Variants in DNAH17 observed in about 807,000 individuals in gnomAD.
The protein encoded by DNAH17 is axonemal beta dynein heavy chain 17.
A neutral mutation model predicts 485.6 loss-of-function variants in DNAH17; 376 were observed. The ratio of observed to expected loss-of-function variants is 0.77; its 90% CI spans 0.71 to 0.84. The LOEUF is 0.84. DNAH17 is among the 40% of genes least tolerant of loss of function. The pLI is 0.00. For synonymous variants in DNAH17, 3,031 were observed against 2,405.9 expected, an observed-to-expected ratio of 1.26 and a Z score of -7.60; for missense variants, 6,370 against 5,839.3, an observed-to-expected ratio of 1.09 and a Z score of -2.96.
chr17:78,480,703 G>A lies in DNAH17; in HGVS notation c.7733C>T (p.Thr2578Ile), dbSNP rs1346842211. ...ACMNPTSGSF[T>I]IDSRLQRHFC... Reference sequence around the variant, plus strand: ...GCTTACCTGAAGCCTGGAGTCGATGGTGAAGGATCCGGAAGTGGGGTTCAT... The same window carrying A: ...GCTTACCTGAAGCCTGGAGTCGATGATGAAGGATCCGGAAGTGGGGTTCAT... The change falls in exon 49 of 81, where the codon ACC becomes ATC. Residue 2578 changes from threonine (T) to isoleucine (I), a missense_variant. Coordinates refer to ENST00000389840, the MANE Select transcript of DNAH17 (RefSeq NM_173628.4). 2 of 1,613,588 alleles carry A rather than the reference G, an allele frequency of 1.2e-6. No homozygotes were observed. Among genetic ancestry groups the A allele is most frequent in the African/African-American group, 2.7e-5 (2 of 74,878 alleles).
chr17:78,543,120 GTTT>G (rs1233037665), intron 17 of DNAH17, among the ~76,000 whole-genome samples: 2 of 32,468 alleles, frequency 6.2e-5, no homozygotes, highest in East Asian at 5.3e-3. Flanking sequence ...CATAGGTTTT[GTTT>G]TGTTTTGTTT....
At chr17:78,504,695 C>T (rs957355104) in intron 31 of DNAH17, among the ~76,000 whole-genome samples, 2 of 152,044 alleles carry the variant, frequency 1.3e-5, no homozygotes, top group Admixed American at 6.6e-5. Flanking sequence ...AGTTTTCTGA[C>T]GGCAGAAGGA....
intron 44 of DNAH17, among the ~76,000 whole-genome samples, chr17:78,487,538 AT>A (rs1370913590): frequency 6.6e-6 from 1 of 151,382 alleles, no homozygotes; most frequent in Non-Finnish European, 1.5e-5. Flanking sequence ...ACAGAGACTC[AT>A]TTTTTTTCTT....
rs774747682 is a variant in DNAH17, at chr17:78,569,508, G to A, written c.1064C>T (p.Pro355Leu). 9.3e-6 allele frequency: 15 copies of A among 1,607,776 alleles called. No individual in the cohort carries two copies. The highest frequency in any genetic ancestry group is 2.2e-5 in the South Asian group (2 of 89,744). ...TTGCAGGCCCTTCAGCACCTCTTCCGGGCTCAGGAAGGTTCGTGTCTGGGC... is the reference window on the plus strand; with the variant it reads ...TTGCAGGCCCTTCAGCACCTCTTCCAGGCTCAGGAAGGTTCGTGTCTGGGC... ...IIEMTRTFLS[P>L]EEVLKGLQGE... The change falls in exon 8 of 81, where the codon CCG becomes CTG. Residue 355 changes from proline (P) to leucine (L), a missense_variant. Transcript: ENST00000389840.
At chr17:78,499,320 A>G (rs1008320588) in intron 36 of DNAH17, 1 of 404,212 alleles carries the variant, frequency 2.5e-6, no homozygotes, top group Admixed American at 4.4e-5. Flanking sequence ...AGGAAGAGCC[A>G]TCCTTTCACC....
chr17:78,555,043 A>C (rs2091989976), intron 14 of DNAH17, among the ~76,000 whole-genome samples: 1 of 152,198 alleles, frequency 6.6e-6, no homozygotes, highest in African/African-American at 2.4e-5. Context: ...CACTGCGCCC[A>C]GCCCATTTTA....
chr17:78,438,012 C>T, intron 73 of DNAH17, 144 bp from the exon 74 acceptor site: 1 of 613,894 alleles, frequency 1.6e-6, no homozygotes, highest in South Asian at 2.2e-5. Flanking sequence ...ACTGCCCCAC[C>T]CCTCACCTGT....
rs1167745706 is a variant in DNAH17, at chr17:78,486,440, A to C, written c.6885T>G (p.Phe2295Leu). 2.5e-6 allele frequency: 4 copies of C among 1,613,614 alleles called. No individual in the cohort carries two copies. The South Asian group carries it at 4.4e-5, about 18-fold the overall frequency. ...CCAGGCACGTGGGCAGGTACTTGTC[A>C]AAGAGGATCATCAGGTTGGCCTTCT... ...QSEKANLMILFDKYLPTCLDK... is the reference protein window; with the variant it reads ...QSEKANLMILLDKYLPTCLDK... Residue 2295 changes from phenylalanine to leucine, a missense_variant, in exon 45 of 81, where the codon TTT becomes TTG. By Grantham distance (22) the Phe-to-Leu change is conservative. Transcript: ENST00000389840.
chr17:78,508,263 A>C (rs1195177385), intron 27 of DNAH17, among the ~76,000 whole-genome samples: 2 of 152,204 alleles, frequency 1.3e-5, no homozygotes, highest in Non-Finnish European at 1.5e-5. Context: ...TGCAATTCCC[A>C]GGTGAATGAT....
At chr17:78,547,830 CT>C (rs2091806244) in intron 16 of DNAH17, among the ~76,000 whole-genome samples, 1 of 151,826 alleles carries the variant, frequency 6.6e-6, no homozygotes, top group East Asian at 1.9e-4. Flanking sequence ...GTGGGCCAGG[CT>C]GGTCTTGAAC....
chr17:78,537,646 C>A (rs367686931), intron 18 of DNAH17, among the ~76,000 whole-genome samples, 165 bp from the exon 19 acceptor site: 1 of 152,170 alleles, frequency 6.6e-6, no homozygotes, highest in Non-Finnish European at 1.5e-5. Flanking sequence ...CTTGAGCAAT[C>A]GCTACAGAGC....
chr17:78,466,532 A>C lies in DNAH17; in HGVS notation c.8940+123T>G, dbSNP rs1401508724. On this transcript the variant is annotated intron_variant, in intron 56 of 80. Transcript: ENST00000389840. ...TGGCAGCCTCTTAAACGTTGAGCCC[A>C]AGGCGGACGCCTCACTTGGCTCACC... 5 of 868,976 alleles carry C rather than the reference A, an allele frequency of 5.8e-6. No individual in the cohort carries two copies. In the Admixed American group the frequency reaches 2.0e-4, roughly 35 times the overall value. 53.8% of individuals were successfully genotyped at this position (868,976 alleles called of 1,614,324 possible).
Position 78,455,745 on chromosome 17 carries a change from G to A in DNAH17, c.10069C>T (p.Leu3357=). 6.2e-7 allele frequency: 1 copy of A among 1,613,066 alleles called. No homozygotes were observed. The highest frequency in any genetic ancestry group is 8.5e-7 in the Non-Finnish European group (1 of 1,179,554). Residue 3357 remains leucine, a synonymous_variant, in exon 63 of 81, where the codon CTG becomes TTG. Coordinates refer to ENST00000389840, the MANE Select transcript of DNAH17 (RefSeq NM_173628.4). ...SQGVTLCGDV[L]LISAFVSYVG... ...TAGGACACGAAGGCAGAGATGAGCA[G>A]GACGTCCCCACACAGCGTGACCCCC...
chr17:78,570,427 C>A (rs1461989430), intron 6 of DNAH17, 55 bp from the exon 7 acceptor site: 1 of 1,569,278 alleles, frequency 6.4e-7, no homozygotes, highest in South Asian at 1.2e-5. Context: ...GCACCTTATC[C>A]CGGTGTCCCA....
intron 26 of DNAH17, among the ~76,000 whole-genome samples, chr17:78,513,324 G>A (rs1017686528): frequency 5.3e-5 from 8 of 152,076 alleles, no homozygotes; most frequent in African/African-American, 1.9e-4. Flanking sequence ...GAAAGAAATC[G>A]CAGTATTTTA....
At chr17:78,553,874 T>C (rs1398474236) in intron 14 of DNAH17, among the ~76,000 whole-genome samples, 1 of 152,258 alleles carries the variant, frequency 6.6e-6, no homozygotes, top group Non-Finnish European at 1.5e-5. Context: ...ACTTGATTTC[T>C]TTTTGTGATT....
intron 27 of DNAH17, 113 bp downstream of exon 27, chr17:78,510,271 C>T (rs2090597779): frequency 6.7e-7 from 1 of 1,494,904 alleles, no homozygotes; most frequent in Non-Finnish European, 9.0e-7. Context: ...GCCCGCCAGA[C>T]TTCCCGTGAG....
At chr17:78,529,806 T>A in intron 21 of DNAH17, 112 bp from the exon 22 acceptor site, 1 of 1,112,178 alleles carries the variant, frequency 9.0e-7, no homozygotes, top group Non-Finnish European at 1.3e-6. Context: ...TGGCCATCAC[T>A]GAAGGCCCCA....
intron 41 of DNAH17, among the ~76,000 whole-genome samples, chr17:78,493,661 A>T (rs2089954148): frequency 6.6e-6 from 1 of 152,232 alleles, no homozygotes; most frequent in African/African-American, 2.4e-5. Context: ...CATCACAGAC[A>T]TCAGTCACAT....
Sources: gnomAD v4.1 joint callset for allele counts (sites outside exome capture counted in the v4.1 genomes callset) on GRCh38, gnomAD v4.1.1 for gene constraint, MANE v1.5 for transcripts, NCBI Gene and HGNC (gene_info 2026-07-23, HGNC 2026-07-21) for gene names.